SUFU: variants seen among roughly 807,000 people sequenced by gnomAD.
The protein encoded by SUFU is SUFU negative regulator of hedgehog signaling.
In SUFU, 7 loss-of-function variants were observed where a neutral mutation model predicts 58.9. The observed-to-expected ratio is 0.12, with a 90% CI of 0.07 to 0.22. The LOEUF is 0.22. Ranked by LOEUF, SUFU falls within the 10% of genes least tolerant of loss-of-function variation. The probability of loss-of-function intolerance (pLI) is 1.00; values close to 1 mark genes in which losing one functional copy is unlikely to be tolerated. For synonymous variants in SUFU, 232 were observed against 254.8 expected (o/e 0.91, Z 0.85); for missense variants, 451 against 641.3 (o/e 0.70, Z 3.20).
At chr10:102,570,358 C>T (rs919440385) in intron 3 of SUFU, among the ~76,000 whole-genome samples, 6 of 152,136 alleles carry the variant, frequency 3.9e-5, no homozygotes, top group African/African-American at 1.4e-4. Context: ...TCTCTTGCCT[C>T]AGCCTCTCAA....
intron 8 of SUFU, among the ~76,000 whole-genome samples, chr10:102,611,619 T>A (rs971067265): frequency 1.3e-5 from 2 of 152,256 alleles, no homozygotes; most frequent in East Asian, 3.8e-4. Flanking sequence ...GCAGATAGAC[T>A]TTTAGAGGCA....
In SUFU at chr10:102,619,863, A is replaced by G. The variant is rs900087122; in HGVS notation, c.1296+2435A>G. 6.6e-6 allele frequency among the ~76,000 whole-genome samples: 1 copy of G among 152,064 alleles called. No individual in the cohort carries two copies. Among genetic ancestry groups the G allele is most frequent in the Non-Finnish European group, 1.5e-5 (1 of 67,982 alleles). ...TCCCTGGGAGTCTGCAGGACCTCCT[A>G]GAGGCCTGGGGTTAGACTTGCAGTC... On this transcript the variant is annotated intron_variant, in intron 10 of 11. Transcript: ENST00000369902. This position sits in a 1 kb window ranked among gnomAD's most constrained non-coding sequence, Gnocchi z 4.2.
At chr10:102,512,891 C>T (rs543016708) in intron 2 of SUFU, among the ~76,000 whole-genome samples, 14 of 152,086 alleles carry the variant, frequency 9.2e-5, no homozygotes, top group African/African-American at 3.1e-4. Flanking sequence ...TAGTGAGACC[C>T]TCCCCCATCT....
At chr10:102,620,143 T>C (rs1370063345) in intron 10 of SUFU, among the ~76,000 whole-genome samples, 1 of 152,188 alleles carries the variant, frequency 6.6e-6, no homozygotes, top group Non-Finnish European at 1.5e-5. Context: ...ACTCTCCCAT[T>C]GGTCCCAGCT....
chr10:102,628,871 C>G lies in SUFU; in HGVS notation c.1366-1195C>G, dbSNP rs2063811194. Among the ~76,000 whole-genome samples the G allele has an allele frequency of 6.6e-6, 1 of 152,070 alleles. No homozygotes were observed. Among genetic ancestry groups the G allele is most frequent in the Non-Finnish European group, 1.5e-5 (1 of 68,012 alleles). Reference sequence around the variant, plus strand: ...CTAGCCAAATTAGAAAAGACAGACCCTGGGCCGGGCGCAGTGACTCATGTC... The same window carrying G: ...CTAGCCAAATTAGAAAAGACAGACCGTGGGCCGGGCGCAGTGACTCATGTC... On this transcript the variant is annotated intron_variant, in intron 11 of 11. Transcript: ENST00000369902. The surrounding 1 kb of genome is among the most constrained non-coding windows in gnomAD (Gnocchi z 4.5).
chr10:102,615,218 C>T (rs1195034935), intron 8 of SUFU, 50 bp from the exon 9 acceptor site: 4 of 1,613,670 alleles, frequency 2.5e-6, no homozygotes, highest in Non-Finnish European at 3.4e-6. Context: ...TCTTGCTCCT[C>T]CCTGAGCTTT....
Position 102,632,594 on chromosome 10 carries a change from C to T in SUFU, c.*2439C>T, listed in dbSNP as rs2063847037. 4.3e-6 allele frequency: 1 copy of T among 233,274 alleles called. No individual in the cohort carries two copies. 14.5% of individuals were successfully genotyped at this position (233,274 alleles called of 1,614,324 possible). ...CCTTGGACCCTGTCCAGCACAGCTT[C>T]TGGCACAGGATGCTTGGTGAATGTA... On this transcript the variant is annotated 3_prime_UTR_variant, in exon 12 of 12. Transcript: ENST00000369902.
At chr10:102,583,606 T>G (rs1043347051) in intron 3 of SUFU, among the ~76,000 whole-genome samples, 1 of 152,264 alleles carries the variant, frequency 6.6e-6, no homozygotes, top group African/African-American at 2.4e-5. Context: ...TTCTGGTTAA[T>G]AAAAGGTCAA....
intron 3 of SUFU, among the ~76,000 whole-genome samples, chr10:102,563,389 G>A (rs1313599337): frequency 1.3e-5 from 2 of 152,118 alleles, no homozygotes; most frequent in African/African-American, 2.4e-5. Context: ...GGGAGGTGAG[G>A]GAGAGGCGAG....
chr10:102,524,249 TTC>T (rs2135675386), intron 2 of SUFU, among the ~76,000 whole-genome samples: 1 of 151,810 alleles, frequency 6.6e-6, no homozygotes, highest in South Asian at 2.1e-4. Flanking sequence ...CAAGCGATCC[TTC>T]TGTCTTGCCT....
intron 2 of SUFU, among the ~76,000 whole-genome samples, chr10:102,544,844 A>G (rs920322808): frequency 2.0e-5 from 3 of 152,234 alleles, no homozygotes; most frequent in African/African-American, 2.4e-5. Context: ...TATTATGGAC[A>G]TTTCATAAAA....
intron 3 of SUFU, chr10:102,573,085 C>T: frequency 1.3e-6 from 1 of 782,720 alleles, no homozygotes; most frequent in East Asian, 2.4e-5. Context: ...TCTTGGGCCG[C>T]TGGAAGGTAG....
At chr10:102,583,168 G>T (rs973251303) in intron 3 of SUFU, among the ~76,000 whole-genome samples, 2 of 152,196 alleles carry the variant, frequency 1.3e-5, no homozygotes, top group Non-Finnish European at 2.9e-5. Flanking sequence ...TGAACTCATT[G>T]TGGCTTTGTC....
Position 102,556,698 on chromosome 10 carries a change from G to A in SUFU, c.454+6592G>A, listed in dbSNP as rs557657272. Among the ~76,000 whole-genome samples, 5 of 130,960 alleles carry A rather than the reference G, an allele frequency of 3.8e-5. No homozygotes were observed. In the East Asian group the frequency reaches 1.2e-3, roughly 31 times the overall value. 85.9% of individuals were successfully genotyped at this position (130,960 alleles called of 152,430 possible). Reference sequence around the variant, plus strand: ...GCGGAGATTGCAGTGAGCCCAGATCGTGCCACTGCACTTCAGCCTGGATGA... The same window carrying A: ...GCGGAGATTGCAGTGAGCCCAGATCATGCCACTGCACTTCAGCCTGGATGA... On this transcript the variant is annotated intron_variant, in intron 3 of 11. Coordinates refer to ENST00000369902, the MANE Select transcript of SUFU (RefSeq NM_016169.4).
At chr10:102,549,606 T>G (rs1462891912) in intron 2 of SUFU, among the ~76,000 whole-genome samples, 2 of 152,202 alleles carry the variant, frequency 1.3e-5, no homozygotes, top group Non-Finnish European at 2.9e-5. Context: ...TGCCTATTAA[T>G]AGCTTGAAGG....
At chr10:102,526,990 A>AT (rs2062615470) in intron 2 of SUFU, among the ~76,000 whole-genome samples, 1 of 134,544 alleles carries the variant, frequency 7.4e-6, no homozygotes, top group South Asian at 2.3e-4. Flanking sequence ...AATTATTATT[A>AT]TTGTTTTTTT....
intron 8 of SUFU, among the ~76,000 whole-genome samples, chr10:102,614,183 C>T (rs1376490064): frequency 1.3e-5 from 2 of 152,158 alleles, no homozygotes; most frequent in Non-Finnish European, 1.5e-5. Flanking sequence ...CTCAGAGGCT[C>T]CAGGGCAGGA....
chr10:102,559,634 C>T, intron 3 of SUFU, among the ~76,000 whole-genome samples: 1 of 152,116 alleles, frequency 6.6e-6, no homozygotes, highest in Non-Finnish European at 1.5e-5. Flanking sequence ...TTCCCTGTTC[C>T]CCTTTCATTT....
At position 102,599,449 on chromosome 10, in the gene SUFU, G is replaced by A. The variant is rs774137359; in HGVS notation, c.927G>A (p.Arg309=). The stretch of plus-strand genomic sequence containing the variant: ...TCGTTGCAGACACAGAGCAGATCCG[G>A]GAGACCCTGAGGAGAGGACTCGAGA... ...RLSGKDTEQI[R]ETLRRGLEIN... The change falls in exon 8 of 12, where the codon CGG becomes CGA. Residue 309 remains arginine, a synonymous_variant. Transcript: ENST00000369902. 6.2e-7 allele frequency: 1 copy of A among 1,614,082 alleles called. No homozygotes were observed. Among genetic ancestry groups the A allele is most frequent in the African/African-American group, 1.3e-5 (1 of 75,038 alleles).
Sources: gnomAD v4.1 joint callset for allele counts (sites outside exome capture counted in the v4.1 genomes callset) on GRCh38, gnomAD v4.1.1 for gene constraint, Gnocchi (gnomAD v3.1) non-coding constraint, MANE v1.5 for transcripts, NCBI Gene and HGNC (gene_info 2026-07-23, HGNC 2026-07-21) for gene names.